Variants in TAOK1 observed in about 807,000 individuals in gnomAD.
The protein encoded by TAOK1 is serine/threonine-protein kinase TAO1.
Under a neutral mutation model 138.3 loss-of-function variants are expected in TAOK1, and 21 were observed. The observed-to-expected ratio is 0.15, with a 90% CI of 0.11 to 0.22. TAOK1 has a LOEUF of 0.22. Ranked by LOEUF, TAOK1 falls within the 10% of genes least tolerant of loss-of-function variation. The probability of loss-of-function intolerance (pLI) is 1.00; values close to 1 mark genes in which losing one functional copy is unlikely to be tolerated. For missense variants in TAOK1, 651 were observed against 1,227.7 expected (o/e 0.53, Z 7.02); for synonymous variants, 361 against 398.4 (o/e 0.91, Z 1.12).
At chr17:29,474,868 A>C in intron 3 of TAOK1, among the ~76,000 whole-genome samples, 1 of 149,632 alleles carries the variant, frequency 6.7e-6, no homozygotes, top group Non-Finnish European at 1.5e-5. Context: ...AAAAAAAAGT[A>C]ACATCTGTGA....
At chr17:29,443,623 T>C (rs1016619424) in intron 1 of TAOK1, among the ~76,000 whole-genome samples, 1 of 152,214 alleles carries the variant, frequency 6.6e-6, no homozygotes, top group African/African-American at 2.4e-5. Flanking sequence ...TTAGATCTCA[T>C]TGGCTGTTGA....
chr17:29,499,290 G>A (rs1428489490), intron 12 of TAOK1, among the ~76,000 whole-genome samples: 1 of 148,626 alleles, frequency 6.7e-6, no homozygotes, highest in Non-Finnish European at 1.5e-5. Flanking sequence ...GAGTGCAGTG[G>A]CCACAATCTT....
At chr17:29,534,389 A>C in intron 19 of TAOK1, 89 bp downstream of exon 19, 1 of 1,221,436 alleles carries the variant, frequency 8.2e-7, no homozygotes, top group Non-Finnish European at 1.1e-6. Flanking sequence ...GGCAGAGGTC[A>C]CATTAGATTT....
intron 12 of TAOK1, 76 bp downstream of exon 12, chr17:29,498,597 A>G (rs2031456145): frequency 6.5e-7 from 1 of 1,532,424 alleles, no homozygotes; most frequent in Non-Finnish European, 9.0e-7. Context: ...TAAGAGAAGG[A>G]AGAAGGAAGA....
At chr17:29,406,387 A>ATT (rs1346539539) in intron 1 of TAOK1, among the ~76,000 whole-genome samples, 2 of 152,068 alleles carry the variant, frequency 1.3e-5, no homozygotes, top group Non-Finnish European at 2.9e-5. Flanking sequence ...TACAAAGGGT[A>ATT]TTATATACCT....
At chr17:29,428,188 A>G (rs1905706857) in intron 1 of TAOK1, among the ~76,000 whole-genome samples, 1 of 152,170 alleles carries the variant, frequency 6.6e-6, no homozygotes, top group Non-Finnish European at 1.5e-5. Flanking sequence ...AGGAGAGGTA[A>G]TATCTCAAAA....
chr17:29,451,055 C>T lies in TAOK1; in HGVS notation c.-94-400C>T, dbSNP rs191010498. On this transcript the variant is annotated intron_variant, in intron 1 of 19. Transcript: ENST00000261716. ...TAGAGTTGATTAGTACACTAGCATA[C>T]GGTATCTGAAAAGAAAAGAAGTTTC... 6.8e-3 allele frequency among the ~76,000 whole-genome samples: 1,031 copies of T among 152,110 alleles called. 4 individuals are homozygous for T. Among genetic ancestry groups the T allele is most frequent in the Non-Finnish European group, 0.011 (740 of 68,016 alleles).
intron 1 of TAOK1, among the ~76,000 whole-genome samples, chr17:29,437,100 G>A (rs985712712): frequency 2.6e-5 from 4 of 152,158 alleles, no homozygotes; most frequent in East Asian, 1.9e-4. Flanking sequence ...ATCTGGCACT[G>A]TTGCCCGGGC....
intron 1 of TAOK1, among the ~76,000 whole-genome samples, chr17:29,416,830 C>T (rs559705204): frequency 6.6e-6 from 1 of 151,918 alleles, no homozygotes; most frequent in East Asian, 1.9e-4. Flanking sequence ...ATCTTTTATT[C>T]TTTTATATCT....
intron 1 of TAOK1, among the ~76,000 whole-genome samples, chr17:29,439,774 A>C (rs927104092): frequency 2.0e-5 from 3 of 151,036 alleles, no homozygotes; most frequent in African/African-American, 7.3e-5. Flanking sequence ...CTGTAGTCCC[A>C]GCTACTTAGG....
At chr17:29,525,753 C>T (rs1179812159) in intron 17 of TAOK1, among the ~76,000 whole-genome samples, 1 of 152,226 alleles carries the variant, frequency 6.6e-6, no homozygotes, top group African/African-American at 2.4e-5. Context: ...CACCTGTAAT[C>T]CCAGCACTTT....
In TAOK1 at chr17:29,397,613, AAT is replaced by A. The variant is rs1221076146; in HGVS notation, c.-95+6605_-95+6606del. ...GTGAGATTCCGTCCCCCCCCAAAAA[AAT>A]ATATATATATATATACATGTATACA... On this transcript the variant is annotated intron_variant, in intron 1 of 19. Transcript: ENST00000261716. 4.2e-3 allele frequency among the ~76,000 whole-genome samples: 175 copies of A among 41,380 alleles called. 7 individuals carry two copies. Among genetic ancestry groups the A allele is most frequent in the South Asian group, 0.042 (46 of 1,108 alleles). The allele number at this position is 41,380 out of a possible 152,430, so 27.1% of individuals were successfully genotyped here.
rs1014805960 is a variant in TAOK1 at position 29,510,739 on chromosome 17, T to C, written c.1576-125T>C. 28 of 696,208 alleles carry C rather than the reference T, an allele frequency of 4.0e-5. No homozygotes were observed. In the African/African-American group the frequency reaches 5.2e-4, roughly 13 times the overall value. The allele number at this position is 696,208 out of a possible 1,614,324, so 43.1% of individuals were successfully genotyped here. ...CATGTTTATAATTTGGTTCAGTCTT[T>C]TATTTTGGTAATGTTTCTAATGATT... On this transcript the variant is annotated intron_variant, in intron 14 of 19. Coordinates refer to ENST00000261716, the MANE Select transcript of TAOK1 (RefSeq NM_020791.4).
At chr17:29,450,271 A>G (rs1309410751) in intron 1 of TAOK1, among the ~76,000 whole-genome samples, 4 of 151,972 alleles carry the variant, frequency 2.6e-5, no homozygotes, top group South Asian at 2.1e-4. Context: ...ATTTTTTTGT[A>G]TTGGAAGATC....
intron 13 of TAOK1, among the ~76,000 whole-genome samples, chr17:29,504,136 G>A (rs1217819031): frequency 1.3e-5 from 2 of 150,528 alleles, no homozygotes; most frequent in Non-Finnish European, 3.0e-5. Context: ...TTTCAGCTGG[G>A]TGTGGTGGCA....
chr17:29,454,442 T>G (rs1029744167), intron 2 of TAOK1, among the ~76,000 whole-genome samples: 1 of 152,070 alleles, frequency 6.6e-6, no homozygotes, highest in Middle Eastern at 3.2e-3. Context: ...TTTTTTCTTA[T>G]TACCACTTTC....
intron 1 of TAOK1, among the ~76,000 whole-genome samples, chr17:29,407,728 T>C (rs1905033212): frequency 6.6e-6 from 1 of 152,190 alleles, no homozygotes; most frequent in Admixed American, 6.6e-5. Flanking sequence ...ATTACAGGCA[T>C]GAGCCACAAT....
rs1904387225 is a variant in TAOK1 at position 29,390,700 on chromosome 17, A to C, written c.-419A>C. ...AGGGCCTCGGCTGTGTGAGGACTAG[A>C]GGCGGCCGAGGCCCGGGCCGGTTCC... On this transcript the variant is annotated 5_prime_UTR_variant, in exon 1 of 20. Coordinates refer to ENST00000261716, the MANE Select transcript of TAOK1 (RefSeq NM_020791.4). The C allele has an allele frequency of 1.3e-5, 2 of 151,368 alleles. No homozygotes were observed. The highest frequency in any genetic ancestry group is 4.9e-5 in the African/African-American group (2 of 41,160). The allele number at this position is 151,368 out of a possible 1,614,324, so 9.4% of individuals were successfully genotyped here.
chr17:29,427,527 C>CAA (rs1255682171), intron 1 of TAOK1, among the ~76,000 whole-genome samples: 7 of 64,186 alleles, frequency 1.1e-4, no homozygotes, highest in East Asian at 4.4e-4. Context: ...AACTCCGTCT[C>CAA]AAAAAAAAAA....
Sources: gnomAD v4.1 joint callset for allele counts (sites outside exome capture counted in the v4.1 genomes callset) on GRCh38, gnomAD v4.1.1 for gene constraint, MANE v1.5 for transcripts, NCBI Gene and HGNC (gene_info 2026-07-23, HGNC 2026-07-21) for gene names.